INPP4B: variants seen among roughly 807,000 people sequenced by gnomAD.
INPP4B encodes the protein inositol polyphosphate 4-phosphatase type II.
Under a neutral mutation model 122.5 loss-of-function variants are expected in INPP4B, and 55 were observed. The ratio of observed to expected loss-of-function variants is 0.45; its 90% confidence interval spans 0.36 to 0.56. INPP4B has a LOEUF of 0.56. Among genes scored for constraint, INPP4B ranks in the 20% least tolerant of loss-of-function variants. The pLI, the probability that INPP4B is intolerant of heterozygous loss-of-function variation, is 0.00. For missense variants in INPP4B, 1,000 were observed against 1,097.7 expected (o/e 0.91, Z 1.26); for synonymous variants, 403 against 388.7 (o/e 1.04, Z -0.43).
At chr4:142,768,741 G>A (rs1223323513) in intron 1 of INPP4B, among the ~76,000 whole-genome samples, 1 of 152,156 alleles carries the variant, frequency 6.6e-6, no homozygotes, top group African/African-American at 2.4e-5. Flanking sequence ...TTAGAGAACA[G>A]CCAGGGGATC....
intron 16 of INPP4B, among the ~76,000 whole-genome samples, chr4:142,173,424 A>C (rs901345764): frequency 1.3e-5 from 2 of 149,334 alleles, no homozygotes; most frequent in Non-Finnish European, 2.9e-5. Context: ...TTTCCTACTA[A>C]GAAAAAAAAA....
intron 1 of INPP4B, among the ~76,000 whole-genome samples, chr4:142,845,887 G>A (rs1414209515): frequency 6.6e-6 from 1 of 152,114 alleles, no homozygotes; most frequent in Non-Finnish European, 1.5e-5. Context: ...ACGGGGGCCC[G>A]GAGAGTGTGC....
chr4:142,612,371 G>A (rs1742736562), intron 2 of INPP4B, among the ~76,000 whole-genome samples: 2 of 152,344 alleles, frequency 1.3e-5, no homozygotes, highest in Admixed American at 1.3e-4. Context: ...CACATAGTGT[G>A]TAGAGACTGC....
chr4:142,398,186 T>A (rs1164427175), intron 7 of INPP4B, among the ~76,000 whole-genome samples: 7 of 150,616 alleles, frequency 4.6e-5, no homozygotes, highest in African/African-American at 1.7e-4. Context: ...CCATCCTGGC[T>A]AACACGGTGA....
At chr4:142,486,375 T>A (rs552863613) in intron 2 of INPP4B, among the ~76,000 whole-genome samples, 153 of 152,320 alleles carry the variant, frequency 1.0e-3, no homozygotes, top group African/African-American at 3.4e-3. Flanking sequence ...TGACTTTTAG[T>A]TTTAAGCATT....
At chr4:142,638,393 A>C (rs532924075) in intron 2 of INPP4B, among the ~76,000 whole-genome samples, 25 of 152,240 alleles carry the variant, frequency 1.6e-4, no homozygotes, top group Non-Finnish European at 2.5e-4. Context: ...TGTGTCTAAA[A>C]TAATTTTTTG....
At chr4:142,361,942 T>G (rs1785555815) in intron 7 of INPP4B, among the ~76,000 whole-genome samples, 1 of 151,978 alleles carries the variant, frequency 6.6e-6, no homozygotes, top group Admixed American at 6.6e-5. Context: ...TTGTAGGAGA[T>G]ATAACAGTAA....
chr4:142,611,405 G>A (rs1243806961), intron 2 of INPP4B, among the ~76,000 whole-genome samples: 1 of 152,100 alleles, frequency 6.6e-6, no homozygotes, highest in African/African-American at 2.4e-5. Flanking sequence ...ATAAGCATCT[G>A]TAATATTTCA....
At chr4:142,361,733 G>T (rs1169316719) in intron 7 of INPP4B, among the ~76,000 whole-genome samples, 1 of 151,644 alleles carries the variant, frequency 6.6e-6, no homozygotes, top group South Asian at 2.1e-4. Flanking sequence ...CCTCTGCAAG[G>T]TCTGTAATGA....
intron 2 of INPP4B, among the ~76,000 whole-genome samples, chr4:142,621,816 T>C (rs565499524): frequency 1.6e-4 from 25 of 151,810 alleles, no homozygotes; most frequent in Non-Finnish European, 2.8e-4. Context: ...ATTATGTATA[T>C]AAACAATAAT....
chr4:142,048,866 A>T (rs1578723732), intron 25 of INPP4B, among the ~76,000 whole-genome samples: 1 of 152,230 alleles, frequency 6.6e-6, no homozygotes, highest in East Asian at 1.9e-4. Context: ...AGAATATTGA[A>T]ATAATCAAGG....
At chr4:142,646,812 C>A (rs1347748226) in intron 2 of INPP4B, among the ~76,000 whole-genome samples, 2 of 152,110 alleles carry the variant, frequency 1.3e-5, no homozygotes, top group African/African-American at 2.4e-5. Flanking sequence ...TCCAGGAAGG[C>A]CCTCTCTAAG....
intron 17 of INPP4B, among the ~76,000 whole-genome samples, chr4:142,158,084 A>G (rs1053326169): frequency 8.5e-5 from 13 of 152,068 alleles, no homozygotes; most frequent in African/African-American, 3.1e-4. Context: ...TTGGAATATA[A>G]CATGCTCAAA....
In INPP4B at chr4:142,127,433, G is replaced by C. The variant is rs189923056; in HGVS notation, c.1721-2673C>G. On this transcript the variant is annotated intron_variant, in intron 18 of 25. Coordinates refer to ENST00000262992, the MANE Select transcript of INPP4B (RefSeq NM_001101669.3). ...ACTTCCATCTTCACTTATTTAACCAGTTGATTCTTAATTATAAATTACAAT... is the reference window on the plus strand; with the variant it reads ...ACTTCCATCTTCACTTATTTAACCACTTGATTCTTAATTATAAATTACAAT... Among the ~76,000 whole-genome samples the C allele has an allele frequency of 3.2e-4, 49 of 151,230 alleles. No individual in the cohort carries two copies. In the East Asian group the frequency reaches 9.2e-3, roughly 29 times the overall value.
chr4:142,624,238 T>G (rs1045444781), intron 2 of INPP4B, among the ~76,000 whole-genome samples: 2 of 152,112 alleles, frequency 1.3e-5, no homozygotes, highest in Middle Eastern at 3.4e-3. Flanking sequence ...TGTTGTTTCC[T>G]GACTTTTTAA....
rs371085120 is a variant in INPP4B, at chr4:142,258,183, A to G, written c.688+2309T>C. Among the ~76,000 whole-genome samples the G allele has an allele frequency of 3.6e-3, 541 of 152,254 alleles. 18 individuals carry two copies. The East Asian group carries it at 0.07, about 20-fold the overall frequency. On this transcript the variant is annotated intron_variant, in intron 11 of 25. Coordinates refer to ENST00000262992, the MANE Select transcript of INPP4B (RefSeq NM_001101669.3). ...AGCTGAAACTGGATCCCTTCCTTAT[A>G]CCTTATACAAAAATCAATTCAAGAT...
At chr4:142,741,069 C>T (rs1356360441) in intron 1 of INPP4B, among the ~76,000 whole-genome samples, 49 of 151,938 alleles carry the variant, frequency 3.2e-4, no homozygotes, top group Admixed American at 3.2e-3. Context: ...AGACTTTGTA[C>T]AGTCAGATAA....
chr4:142,767,114 T>C (rs912053912), intron 1 of INPP4B, among the ~76,000 whole-genome samples: 2 of 152,190 alleles, frequency 1.3e-5, no homozygotes, highest in Non-Finnish European at 2.9e-5. Context: ...ACTGCCTCTA[T>C]TCAAAGCCCT....
rs1737943293 is a variant in INPP4B at position 142,028,925 on chromosome 4, G to A, written c.2643-11C>T. ...ATGCGGCATCCTTCTCTGGTGAAAG[G>A]GGAAAAAGTACAACTTCATGAAACA... On this transcript the variant is annotated splice_polypyrimidine_tract_variant and intron_variant, in intron 25 of 25. Coordinates refer to ENST00000262992, the MANE Select transcript of INPP4B (RefSeq NM_001101669.3). 5.0e-6 allele frequency: 8 copies of A among 1,603,922 alleles called. No individual in the cohort carries two copies. The highest frequency in any genetic ancestry group is 6.8e-6 in the Non-Finnish European group (8 of 1,176,398).
Sources: allele counts gnomAD v4.1 joint callset (sites outside exome capture counted in the v4.1 genomes callset), GRCh38; gene constraint gnomAD v4.1.1; transcripts MANE v1.5; gene names NCBI Gene and HGNC (gene_info 2026-07-23, HGNC 2026-07-21).